Variants in MIPOL1 observed in about 807,000 individuals in gnomAD.
The protein encoded by MIPOL1 is mirror-image polydactyly 1.
MIPOL1 carries 57 observed loss-of-function variants against 60.9 expected under a neutral mutation model. The observed-to-expected ratio is 0.94, with a 90% CI of 0.76 to 1.17. The LOEUF is 1.17. Among genes scored for constraint, MIPOL1 ranks in the 50% most tolerant of loss-of-function variants. MIPOL1 has a pLI of 0.00. For synonymous variants in MIPOL1, 179 were observed against 168.8 expected (o/e 1.06, Z -0.47); for missense variants, 551 against 511.6 (o/e 1.08, Z -0.74).
At chr14:37,379,401 G>A (rs1210666596) in intron 10 of MIPOL1, among the ~76,000 whole-genome samples, 1 of 152,004 alleles carries the variant, frequency 6.6e-6, no homozygotes, top group Non-Finnish European at 1.5e-5. Context: ...GCGTCCTTCA[G>A]TTAGGCAAAG....
intron 12 of MIPOL1, among the ~76,000 whole-genome samples, chr14:37,519,403 A>C (rs1182628792): frequency 6.6e-6 from 1 of 152,166 alleles, no homozygotes; most frequent in Non-Finnish European, 1.5e-5. Flanking sequence ...TCATCTTTTA[A>C]AGAAACTACG....
chr14:37,493,896 C>A (rs1379685482), intron 11 of MIPOL1, among the ~76,000 whole-genome samples: 1 of 152,096 alleles, frequency 6.6e-6, no homozygotes, highest in Non-Finnish European at 1.5e-5. Flanking sequence ...AAAATATGTT[C>A]CTATACAACT....
At chr14:37,360,620 A>G (rs1435688431) in intron 9 of MIPOL1, among the ~76,000 whole-genome samples, 1 of 152,098 alleles carries the variant, frequency 6.6e-6, no homozygotes, top group African/African-American at 2.4e-5. Context: ...TTTTTATAGT[A>G]TTCTCTGATG....
intron 1 of MIPOL1, among the ~76,000 whole-genome samples, chr14:37,211,897 G>T (rs1432258531): frequency 1.3e-5 from 2 of 151,860 alleles, no homozygotes. Context: ...GCAGAATAGG[G>T]CACCAGTCAG....
intron 7 of MIPOL1, among the ~76,000 whole-genome samples, chr14:37,307,260 C>A (rs1202657541): frequency 1.3e-5 from 2 of 151,764 alleles, no homozygotes; most frequent in Admixed American, 6.6e-5. Flanking sequence ...GAATCTATAC[C>A]TTTTCACTAA....
At chr14:37,276,109 C>G (rs1194067038) in intron 6 of MIPOL1, among the ~76,000 whole-genome samples, 1 of 151,064 alleles carries the variant, frequency 6.6e-6, no homozygotes, top group East Asian at 1.9e-4. Context: ...CTCCCTTTCT[C>G]TCTCTCTATT....
At chr14:37,491,105 G>A (rs1001182153) in intron 11 of MIPOL1, among the ~76,000 whole-genome samples, 1 of 152,132 alleles carries the variant, frequency 6.6e-6, no homozygotes, top group Non-Finnish European at 1.5e-5. Context: ...ATAAATATAA[G>A]TGGCTTTGTG....
chr14:37,295,630 C>CA (rs1240188618), intron 7 of MIPOL1, among the ~76,000 whole-genome samples: 3 of 151,450 alleles, frequency 2.0e-5, no homozygotes, highest in Non-Finnish European at 2.9e-5. Flanking sequence ...AAATGGAAAA[C>CA]AAAAAAAGGC....
chr14:37,223,015 A>G (rs1032692069), intron 1 of MIPOL1, among the ~76,000 whole-genome samples: 1 of 152,140 alleles, frequency 6.6e-6, no homozygotes, highest in Non-Finnish European at 1.5e-5. Flanking sequence ...GGTGAAAGTG[A>G]GACAGAGAGG....
At chr14:37,282,459 G>A (rs894621920) in intron 6 of MIPOL1, among the ~76,000 whole-genome samples, 1 of 151,848 alleles carries the variant, frequency 6.6e-6, no homozygotes, top group African/African-American at 2.4e-5. Flanking sequence ...TAGTTATTAG[G>A]CCCAGCATGG....
intron 7 of MIPOL1, among the ~76,000 whole-genome samples, chr14:37,291,777 G>A (rs2085078780): frequency 6.6e-6 from 1 of 151,916 alleles, no homozygotes; most frequent in African/African-American, 2.4e-5. Flanking sequence ...AAAGCAAAAG[G>A]GCAAAAAGAG....
At chr14:37,527,400 T>A (rs1237215115) in intron 12 of MIPOL1, among the ~76,000 whole-genome samples, 5 of 152,110 alleles carry the variant, frequency 3.3e-5, no homozygotes, top group Non-Finnish European at 7.4e-5. Flanking sequence ...GCCGTTGTGT[T>A]ATTTTTTTCC....
At chr14:37,517,045 G>T (rs1038069512) in intron 12 of MIPOL1, among the ~76,000 whole-genome samples, 1 of 152,024 alleles carries the variant, frequency 6.6e-6, no homozygotes, top group African/African-American at 2.4e-5. Flanking sequence ...TAAAGGGGAG[G>T]CAACTTAGTA....
At chr14:37,369,087 C>A (rs1252151585) in intron 9 of MIPOL1, among the ~76,000 whole-genome samples, 1 of 151,752 alleles carries the variant, frequency 6.6e-6, no homozygotes, top group South Asian at 2.1e-4. Flanking sequence ...TGAACATATA[C>A]CTTATAATTT....
intron 7 of MIPOL1, among the ~76,000 whole-genome samples, chr14:37,292,263 G>T (rs942213447): frequency 6.6e-6 from 1 of 151,850 alleles, no homozygotes; most frequent in African/African-American, 2.4e-5. Flanking sequence ...TTTTGGAGAG[G>T]ACAAGCATTC....
At chr14:37,387,229 CAT>C (rs542020441) in intron 10 of MIPOL1, among the ~76,000 whole-genome samples, 11 of 151,602 alleles carry the variant, frequency 7.3e-5, no homozygotes, top group Admixed American at 2.0e-4. Context: ...ATTTAGGAAA[CAT>C]TTTTTGAATA....
chr14:37,397,982 G>A (rs565540145), intron 10 of MIPOL1, among the ~76,000 whole-genome samples: 1 of 152,250 alleles, frequency 6.6e-6, no homozygotes, highest in Non-Finnish European at 1.5e-5. Context: ...GTGAGTTCTG[G>A]CCAGGAGGCT....
chr14:37,315,022 CAAATAAAT>C (rs3061936), intron 9 of MIPOL1, among the ~76,000 whole-genome samples: 1 of 151,940 alleles, frequency 6.6e-6, no homozygotes, highest in Admixed American at 6.6e-5. Flanking sequence ...AGTGAACAAA[CAAATAAAT>C]AAAGTACTTT....
At chr14:37,282,747 C>CAAAAAAAA (rs59301708) in intron 6 of MIPOL1, among the ~76,000 whole-genome samples, 5 of 67,890 alleles carry the variant, frequency 7.4e-5, no homozygotes, top group Non-Finnish European at 1.2e-4. Flanking sequence ...GACCCTGTCT[C>CAAAAAAAA]AAAAAAAAAA....
Sources: gnomAD v4.1 joint callset for allele counts (sites outside exome capture counted in the v4.1 genomes callset) on GRCh38, gnomAD v4.1.1 for gene constraint, MANE v1.5 for transcripts, NCBI Gene and HGNC (gene_info 2026-07-23, HGNC 2026-07-21) for gene names.